Variants in KCNQ1 observed in about 807,000 individuals in gnomAD.
KCNQ1 encodes the protein potassium voltage-gated channel subfamily Q member 1.
Under a neutral mutation model 72.4 loss-of-function variants are expected in KCNQ1, and 49 were observed. The ratio of observed to expected loss-of-function variants is 0.68; its 90% CI spans 0.54 to 0.86. The LOEUF (loss-of-function observed/expected upper bound fraction) is 0.86, where lower values mean the gene tolerates loss of function less well. KCNQ1 is among the 40% of genes least tolerant of loss of function. KCNQ1 has a pLI of 0.00. For missense variants in KCNQ1, 790 were observed against 945.1 expected (o/e 0.84, Z 2.15); for synonymous variants, 450 against 412.6 (o/e 1.09, Z -1.10).
intron 11 of KCNQ1, among the ~76,000 whole-genome samples, chr11:2,744,275 G>A (rs182128992): frequency 2.0e-5 from 3 of 152,340 alleles, no homozygotes; most frequent in East Asian, 1.9e-4. Context: ...ATGTGGCATC[G>A]GGAACACCAA....
rs1849776754 is a variant in KCNQ1, at chr11:2,652,748, G to C, written c.1394-9213G>C. The stretch of plus-strand genomic sequence containing the variant: ...CACGCTCAGGGTTGACCCTGTCCTG[G>C]CTCTGTCACTGCCTGTCTTCCTCAG... On this transcript the variant is annotated intron_variant, in intron 10 of 15. Coordinates refer to ENST00000155840, the MANE Select transcript of KCNQ1 (RefSeq NM_000218.3). The surrounding 1 kb of genome is among the most constrained non-coding windows in gnomAD (Gnocchi z 5.9). 1.0e-5 allele frequency: 4 copies of C among 398,916 alleles called. No homozygotes were observed. The highest frequency in any genetic ancestry group is 4.4e-6 in the Non-Finnish European group (1 of 226,368). 24.7% of individuals were successfully genotyped at this position (398,916 alleles called of 1,614,324 possible).
chr11:2,463,480 CTG>C lies in KCNQ1; in HGVS notation c.386+17998_386+17999del, dbSNP rs1846307939. ...AGGTGGCGGGCGGGGCTGGGGGGCT[CTG>C]TAGCCTTCCTGGCTTCGGTCCCCTG... On this transcript the variant is annotated intron_variant, in intron 1 of 15. Transcript: ENST00000155840. The surrounding 1 kb of genome is among the most constrained non-coding windows in gnomAD (Gnocchi z 7.0). 6.6e-6 allele frequency among the ~76,000 whole-genome samples: 1 copy of C among 152,146 alleles called. No individual in the cohort carries two copies. The highest frequency in any genetic ancestry group is 6.5e-5 in the Admixed American group (1 of 15,286).
At chr11:2,717,147 C>G (rs1392388954) in intron 11 of KCNQ1, among the ~76,000 whole-genome samples, 1 of 152,208 alleles carries the variant, frequency 6.6e-6, no homozygotes, top group Admixed American at 6.5e-5. Context: ...CTTCCTACTC[C>G]TGGCAGGGCA....
At position 2,784,659 on chromosome 11, in the gene KCNQ1, G is replaced by C. The variant is rs1564892000; in HGVS notation, c.1794+6622G>C. ...AACAAAATTGAGTATTGTAATCAAT[G>C]AACATGGTATATCCCTCCATTTATT... On this transcript the variant is annotated intron_variant, in intron 15 of 15. Coordinates refer to ENST00000155840, the MANE Select transcript of KCNQ1 (RefSeq NM_000218.3). The surrounding 1 kb of genome is among the most constrained non-coding windows in gnomAD (Gnocchi z 4.7). Among the ~76,000 whole-genome samples, 1 of 151,888 alleles carries C rather than the reference G, an allele frequency of 6.6e-6. No individual in the cohort carries two copies. Among genetic ancestry groups the C allele is most frequent in the African/African-American group, 2.4e-5 (1 of 41,422 alleles).
chr11:2,644,526 A>T (rs1564843402), intron 10 of KCNQ1: 1 of 398,094 alleles, frequency 2.5e-6, no homozygotes, highest in African/African-American at 2.1e-5. Flanking sequence ...CTTTAATATT[A>T]TATTGAATTT....
rs954686169 is a variant in KCNQ1 at position 2,735,519 on chromosome 11, C to A, written c.1515-33325C>A. On this transcript the variant is annotated intron_variant, in intron 11 of 15. Coordinates refer to ENST00000155840, the MANE Select transcript of KCNQ1 (RefSeq NM_000218.3). The surrounding 1 kb of genome is among the most constrained non-coding windows in gnomAD (Gnocchi z 7.7). ...AGTGCCCCTCACCCACCCATCCACA[C>A]CCCGCAGGCATCCTAGGGCCTGGCC... Among the ~76,000 whole-genome samples, 4 of 152,160 alleles carry A rather than the reference C, an allele frequency of 2.6e-5. No individual in the cohort carries two copies. Among genetic ancestry groups the A allele is most frequent in the African/African-American group, 7.2e-5 (3 of 41,436 alleles).
At chr11:2,583,334 C>A in intron 6 of KCNQ1, 101 bp from the exon 7 acceptor site, 1 of 839,364 alleles carries the variant, frequency 1.2e-6, no homozygotes, top group African/African-American at 1.7e-5. Context: ...GGGTCTCTTG[C>A]CGGCCTCTCC....
At chr11:2,829,909 A>C (rs747606474) in intron 15 of KCNQ1, among the ~76,000 whole-genome samples, 17 of 137,806 alleles carry the variant, frequency 1.2e-4, no homozygotes, top group Non-Finnish European at 2.1e-4. Context: ...GGTGCCAGAG[A>C]ATAGGGAATT....
rs1360299968 is a variant in KCNQ1, at chr11:2,563,465, G to A, written c.478-7163G>A. ...CAACACCGGATACCAGCATGGGGTC[G>A]GCCTGCGGGGCCATGTGTCTCCTCC... is the stretch of plus-strand genomic sequence containing the variant. On this transcript the variant is annotated intron_variant, in intron 2 of 15. Coordinates refer to ENST00000155840, the MANE Select transcript of KCNQ1 (RefSeq NM_000218.3). This position sits in a 1 kb window ranked among gnomAD's most constrained non-coding sequence, Gnocchi z 7.4. Among the ~76,000 whole-genome samples the A allele has an allele frequency of 1.3e-5, 2 of 152,340 alleles. No homozygotes were observed. Among genetic ancestry groups the A allele is most frequent in the East Asian group, 3.9e-4 (2 of 5,176 alleles).
intron 4 of KCNQ1, 27 bp from the exon 5 acceptor site, chr11:2,571,986 C>T (rs1037394776): frequency 3.1e-6 from 5 of 1,596,234 alleles, no homozygotes; most frequent in African/African-American, 1.3e-5. Flanking sequence ...GCCTGGCTCC[C>T]TCAGCCCCAC....
Position 2,830,277 on chromosome 11 carries a change from G to C in KCNQ1, c.1795-17490G>C, listed in dbSNP as rs1040085576. On this transcript the variant is annotated intron_variant, in intron 15 of 15. Coordinates refer to ENST00000155840, the MANE Select transcript of KCNQ1 (RefSeq NM_000218.3). The surrounding 1 kb of genome is among the most constrained non-coding windows in gnomAD (Gnocchi z 7.7). ...GCAGGATAAGGCCAGTGAGAGAAGA[G>C]GACTCACTGGTGGGTGCCTCCTCCC... Among the ~76,000 whole-genome samples the C allele has an allele frequency of 3.3e-5, 5 of 151,864 alleles. No homozygotes were observed. The highest frequency in any genetic ancestry group is 3.3e-4 in the Admixed American group (5 of 15,248).
chr11:2,632,314 T>C (rs754905245), intron 10 of KCNQ1: 11 of 398,418 alleles, frequency 2.8e-5, no homozygotes, highest in Admixed American at 4.4e-5. Flanking sequence ...TGATCATATC[T>C]ATGAACAAAC....
Position 2,451,657 on chromosome 11 carries a change from C to T in KCNQ1, c.386+6173C>T, listed in dbSNP as rs929842147. On this transcript the variant is annotated intron_variant, in intron 1 of 15. Transcript: ENST00000155840. The surrounding 1 kb of genome is among the most constrained non-coding windows in gnomAD (Gnocchi z 6.4). Reference sequence around the variant, plus strand: ...GAGTCTGTTGGCATCTGCCTGGCCGCCTCTGGCAGGAACTTCTCCTGATGG... The same window carrying T: ...GAGTCTGTTGGCATCTGCCTGGCCGTCTCTGGCAGGAACTTCTCCTGATGG... Among the ~76,000 whole-genome samples, 3 of 152,186 alleles carry T rather than the reference C, an allele frequency of 2.0e-5. No homozygotes were observed. The highest frequency in any genetic ancestry group is 7.2e-5 in the African/African-American group (3 of 41,438).
intron 7 of KCNQ1, 113 bp downstream of exon 7, chr11:2,583,658 C>T: frequency 1.3e-6 from 1 of 796,394 alleles, no homozygotes; most frequent in East Asian, 2.5e-5. Context: ...CAAGAGGGTG[C>T]TTCCCTTCTA....
chr11:2,633,382 C>T (rs1263361069), intron 10 of KCNQ1: 1 of 398,276 alleles, frequency 2.5e-6, no homozygotes, highest in Admixed American at 4.4e-5. Context: ...TTGATACAGT[C>T]CCATTTGTCT....
intron 2 of KCNQ1, among the ~76,000 whole-genome samples, chr11:2,535,019 G>A (rs1303603373): frequency 1.3e-5 from 2 of 152,162 alleles, no homozygotes; most frequent in African/African-American, 4.8e-5. Flanking sequence ...ACAGATGTGG[G>A]CCCTCTGTCT....
At chr11:2,453,320 C>T (rs1239191134) in intron 1 of KCNQ1, among the ~76,000 whole-genome samples, 2 of 152,070 alleles carry the variant, frequency 1.3e-5, no homozygotes, top group Non-Finnish European at 2.9e-5. Flanking sequence ...TTGCAGTGAG[C>T]CGAGATCACG....
Position 2,683,718 on chromosome 11 carries a change from C to T in KCNQ1, c.1514+21637C>T, listed in dbSNP as rs916223059. ...TGGGACTCAGGCCTTTCCTTACTCC[C>T]TCTGGTTACCTAGCTTTAGCTCTGA... is the stretch of plus-strand genomic sequence containing the variant. On this transcript the variant is annotated intron_variant, in intron 11 of 15. Transcript: ENST00000155840. The surrounding 1 kb of genome is among the most constrained non-coding windows in gnomAD (Gnocchi z 4.7). 2.5e-6 allele frequency: 1 copy of T among 398,600 alleles called. No individual in the cohort carries two copies. Among genetic ancestry groups the T allele is most frequent in the Non-Finnish European group, 4.4e-6 (1 of 226,066 alleles). 24.7% of individuals were successfully genotyped at this position (398,600 alleles called of 1,614,324 possible). A position where few individuals can be genotyped will look rare whatever the true frequency, so the allele number is the denominator to read the frequency against.
In KCNQ1 at chr11:2,626,409, C is replaced by G; in HGVS notation, c.1394-35552C>G. The G allele has an allele frequency of 2.5e-6, 1 of 398,616 alleles. No homozygotes were observed. 24.7% of individuals were successfully genotyped at this position (398,616 alleles called of 1,614,324 possible). On this transcript the variant is annotated intron_variant, in intron 10 of 15. Coordinates refer to ENST00000155840, the MANE Select transcript of KCNQ1 (RefSeq NM_000218.3). This position sits in a 1 kb window ranked among gnomAD's most constrained non-coding sequence, Gnocchi z 4.0. ...TATTGAATGGTCTTGGCACTCTTCTCAGGAATCATTTGATCATGTATACAA... is the reference window on the plus strand; with the variant it reads ...TATTGAATGGTCTTGGCACTCTTCTGAGGAATCATTTGATCATGTATACAA...
Sources: gnomAD v4.1 joint callset for allele counts (sites outside exome capture counted in the v4.1 genomes callset) on GRCh38, gnomAD v4.1.1 for gene constraint, Gnocchi (gnomAD v3.1) non-coding constraint, MANE v1.5 for transcripts, NCBI Gene and HGNC (gene_info 2026-07-23, HGNC 2026-07-21) for gene names.